The following PFKP variants were observed in gnomAD, a reference collection of about 807,000 sequenced individuals.
PFKP encodes phosphofructokinase, platelet, also known as ATP-dependent 6-phosphofructokinase, platelet type.
Under a neutral mutation model 94.3 loss-of-function variants are expected in PFKP, and 101 were observed. The ratio of observed to expected loss-of-function variants is 1.07; its 90% CI spans 0.91 to 1.26. The LOEUF (loss-of-function observed/expected upper bound fraction) is 1.26. Ranked by LOEUF, PFKP falls within the 50% of genes most tolerant of loss-of-function variation. The probability of loss-of-function intolerance (pLI) is 0.00; values close to 1 mark genes in which losing one functional copy is unlikely to be tolerated. For synonymous variants in PFKP, 573 were observed against 432.6 expected, an observed-to-expected ratio of 1.32 and a Z score of -4.03; for missense variants, 1,145 against 1,103.3, an observed-to-expected ratio of 1.04 and a Z score of -0.53.
intron 16 of PFKP, among the ~76,000 whole-genome samples, chr10:3,121,803 C>CTTTTCTTTCTTTTTTTTTTT (rs1564339123): frequency 3.1e-5 from 1 of 32,624 alleles, no homozygotes. Context: ...CTTTTTTTTT[C>CTTTTCTTTCTTTTTTTTTTT]TTTTTTTTTT....
At chr10:3,090,795 C>G (rs1833987778) in intron 2 of PFKP, among the ~76,000 whole-genome samples, 1 of 152,094 alleles carries the variant, frequency 6.6e-6, no homozygotes, top group Admixed American at 6.5e-5. Context: ...GACCGCTGTT[C>G]TAGACCTATT....
chr10:3,094,215 G>A (rs531294809), intron 2 of PFKP, among the ~76,000 whole-genome samples: 9 of 152,326 alleles, frequency 5.9e-5, no homozygotes, highest in African/African-American at 2.2e-4. Flanking sequence ...AGGGGAGGAA[G>A]GGCGACCGGC....
intron 14 of PFKP, among the ~76,000 whole-genome samples, chr10:3,118,032 C>A (rs1588521639): frequency 1.3e-5 from 2 of 152,158 alleles, no homozygotes; most frequent in East Asian, 3.8e-4. Context: ...GGGAGGGGCA[C>A]AGTCTGGTGT....
intron 5 of PFKP, 71 bp from the exon 6 acceptor site, chr10:3,105,044 A>G: frequency 7.0e-7 from 1 of 1,424,444 alleles, no homozygotes; most frequent in Non-Finnish European, 9.9e-7. Context: ...TGTTTCCAGG[A>G]CTGAGTGGGT....
chr10:3,068,571 T>C (rs901915480), intron 1 of PFKP: 2 of 658,798 alleles, frequency 3.0e-6, no homozygotes, highest in Non-Finnish European at 3.8e-6. Context: ...ATGTGGAAGC[T>C]GCTCTCTAGG....
At chr10:3,125,087 G>C in intron 16 of PFKP, 1 of 1,258,976 alleles carries the variant, frequency 7.9e-7, no homozygotes, top group Non-Finnish European at 1.0e-6. Flanking sequence ...GCTTGGCCCT[G>C]CTGCTTCAGG....
At chr10:3,084,000 G>A (rs56191634) in intron 2 of PFKP, among the ~76,000 whole-genome samples, 6,590 of 152,266 alleles carry the variant, frequency 0.043, 464 homozygotes, top group African/African-American at 0.15. Context: ...CATCATTTAT[G>A]ATGGACCCTG....
At chr10:3,087,262 A>G (rs1388588847) in intron 2 of PFKP, among the ~76,000 whole-genome samples, 1 of 152,128 alleles carries the variant, frequency 6.6e-6, no homozygotes, top group African/African-American at 2.4e-5. Flanking sequence ...CCTGGCTCAG[A>G]GGCCCTGGGC....
At chr10:3,086,813 T>C (rs1402410497) in intron 2 of PFKP, among the ~76,000 whole-genome samples, 1 of 152,112 alleles carries the variant, frequency 6.6e-6, no homozygotes, top group African/African-American at 2.4e-5. Flanking sequence ...GGGTGTCTGA[T>C]TTTTATTGGT....
At chr10:3,116,755 C>G (rs377693271) in intron 13 of PFKP, 21 bp from the exon 14 acceptor site, 12 of 1,598,422 alleles carry the variant, frequency 7.5e-6, no homozygotes, top group Non-Finnish European at 1.0e-5. Context: ...TTAGCTGTTT[C>G]GTTCTGTGTT....
chr10:3,132,751 C>T (rs961910807), intron 18 of PFKP, among the ~76,000 whole-genome samples: 2 of 152,166 alleles, frequency 1.3e-5, no homozygotes, highest in Non-Finnish European at 2.9e-5. Flanking sequence ...GACTGTGTCC[C>T]AAGACTGCAG....
chr10:3,081,712 T>C (rs367979189), intron 1 of PFKP, among the ~76,000 whole-genome samples: 10 of 152,210 alleles, frequency 6.6e-5, no homozygotes, highest in South Asian at 4.1e-4. Flanking sequence ...AACAGACTTA[T>C]GATACATTGT....
chr10:3,076,563 T>C (rs1259126274), intron 1 of PFKP, among the ~76,000 whole-genome samples: 1 of 151,134 alleles, frequency 6.6e-6, no homozygotes, highest in African/African-American at 2.4e-5. Flanking sequence ...CCCACCCCGC[T>C]TGTTATTTTT....
intron 16 of PFKP, among the ~76,000 whole-genome samples, chr10:3,124,559 G>A (rs1837738795): frequency 2.0e-5 from 3 of 152,190 alleles, no homozygotes; most frequent in Admixed American, 2.0e-4. Context: ...TGTGGCGTGG[G>A]GCTGAGTGTG....
intron 19 of PFKP, 46 bp from the exon 20 acceptor site, chr10:3,134,433 CAAAG>C: frequency 9.5e-7 from 1 of 1,049,616 alleles, no homozygotes. Flanking sequence ...TATTTAACAG[CAAAG>C]TGTTACTGTA....
In PFKP at chr10:3,075,423, G is replaced by A. The variant is rs114401313; in HGVS notation, c.113-6965G>A. Among the ~76,000 whole-genome samples, 1,119 of 151,768 alleles carry A rather than the reference G, an allele frequency of 7.4e-3. 12 individuals carry two copies. The highest frequency in any genetic ancestry group is 0.026 in the African/African-American group (1,084 of 41,334). Reference sequence around the variant, plus strand: ...TACTCAAGGGCAGTATTGAAGAGCCGATTCCAGAGCGGCTTCCCTCTGGAG... The same window carrying A: ...TACTCAAGGGCAGTATTGAAGAGCCAATTCCAGAGCGGCTTCCCTCTGGAG... On this transcript the variant is annotated intron_variant, in intron 1 of 21. Coordinates refer to ENST00000381125, the MANE Select transcript of PFKP (RefSeq NM_002627.5).
At chr10:3,076,881 G>T (rs1290526768) in intron 1 of PFKP, among the ~76,000 whole-genome samples, 1 of 152,120 alleles carries the variant, frequency 6.6e-6, no homozygotes, top group Non-Finnish European at 1.5e-5. Context: ...ACTTTGAACT[G>T]GCAGGGGTGG....
chr10:3,093,866 A>G (rs749897582), intron 2 of PFKP, among the ~76,000 whole-genome samples: 12 of 152,078 alleles, frequency 7.9e-5, no homozygotes, highest in Non-Finnish European at 1.5e-4. Context: ...GATGGTCTCC[A>G]TCTCCTGACC....
At chr10:3,091,981 C>T (rs975747248) in intron 2 of PFKP, among the ~76,000 whole-genome samples, 2 of 152,120 alleles carry the variant, frequency 1.3e-5, no homozygotes, top group African/African-American at 4.8e-5. Context: ...CAAAAGGTGT[C>T]AGATAAGTGA....
Sources: gnomAD v4.1 joint callset for allele counts (sites outside exome capture counted in the v4.1 genomes callset) on GRCh38, gnomAD v4.1.1 for gene constraint, MANE v1.5 for transcripts, NCBI Gene and HGNC (gene_info 2026-07-23, HGNC 2026-07-21) for gene names.